The following PCDHGB4 variants were observed in gnomAD, a reference collection of about 807,000 sequenced individuals.
The protein encoded by PCDHGB4 is protocadherin gamma subfamily B, 4.
Under a neutral mutation model 60.5 loss-of-function variants are expected in PCDHGB4, and 38 were observed. The ratio of observed to expected loss-of-function variants is 0.63; its 90% CI spans 0.48 to 0.82. The LOEUF (loss-of-function observed/expected upper bound fraction) is 0.82, where lower values mean the gene tolerates loss of function less well. Ranked by LOEUF, PCDHGB4 falls within the 40% of genes least tolerant of loss-of-function variation. PCDHGB4 has a pLI of 0.00. For missense variants in PCDHGB4, 1,109 were observed against 1,209.6 expected (o/e 0.92, Z 1.23); for synonymous variants, 456 against 509.7 (o/e 0.89, Z 1.42).
At position 141,431,808 on chromosome 5, in the gene PCDHGB4, C is replaced by A. The variant is rs2097419249; in HGVS notation, c.2397+41527C>A. Reference sequence around the variant, plus strand: ...GACAATGCCCCAGAAGTGGTCCTCACCTCTCTCGCCAGCTCGGTTCCCGAA... The same window carrying A: ...GACAATGCCCCAGAAGTGGTCCTCAACTCTCTCGCCAGCTCGGTTCCCGAA... On this transcript the variant is annotated intron_variant, in intron 1 of 3. Transcript: ENST00000519479. The surrounding 1 kb of genome is among the most constrained non-coding windows in gnomAD (Gnocchi z 4.8). The A allele has an allele frequency of 6.2e-7, 1 of 1,614,236 alleles. No individual in the cohort carries two copies. Among genetic ancestry groups the A allele is most frequent in the Non-Finnish European group, 8.5e-7 (1 of 1,180,040 alleles).
At position 141,400,283 on chromosome 5, in the gene PCDHGB4, C is replaced by T. The variant is rs566639489; in HGVS notation, c.2397+10002C>T. 2.5e-6 allele frequency: 4 copies of T among 1,614,084 alleles called. No individual in the cohort carries two copies. In the African/African-American group the frequency reaches 5.3e-5, roughly 22 times the overall value. On this transcript the variant is annotated intron_variant, in intron 1 of 3. Coordinates refer to ENST00000519479, the MANE Select transcript of PCDHGB4 (RefSeq NM_003736.4). The stretch of plus-strand genomic sequence containing the variant: ...CTGCGACGCTCCTCCAGCCCTGCCG[C>T]CTGGAGCTGCTTCCAACCTGGTCTC...
chr5:141,410,598 C>T, intron 1 of PCDHGB4: 2 of 1,608,528 alleles, frequency 1.2e-6, no homozygotes, highest in Non-Finnish European at 1.7e-6. Context: ...GATTTGACTT[C>T]ACATCCTGAG....
In PCDHGB4 at chr5:141,388,600, C is replaced by G. The variant is rs1561620181; in HGVS notation, c.716C>G (p.Ala239Gly). The change falls in exon 1 of 4, where the codon GCT (alanine) becomes GGT (glycine). Residue 239 changes from alanine to glycine, a missense_variant. Physicochemically the swap from Ala to Gly is moderately conservative, Grantham distance 60. This residue lies in a region of PCDHGB4 where 1,068 missense variants were observed against 1,089.9 expected (regional missense o/e 0.98). Coordinates refer to ENST00000519479, the MANE Select transcript of PCDHGB4 (RefSeq NM_003736.4). The stretch of plus-strand genomic sequence containing the variant: ...CTAGTGACTGATGCCAATGATAATG[C>G]TCCAGTGTTCAGTCAAGACGTATAC... ...HVLVTDANDN[A>G]PVFSQDVYRV... The G allele has an allele frequency of 6.2e-7, 1 of 1,613,856 alleles. No individual in the cohort carries two copies. Among genetic ancestry groups the G allele is most frequent in the Non-Finnish European group, 8.5e-7 (1 of 1,179,886 alleles).
At position 141,489,180 on chromosome 5, in the gene PCDHGB4, C is replaced by G. The variant is rs942218118; in HGVS notation, c.2398-5627C>G. On this transcript the variant is annotated intron_variant, in intron 1 of 3. Transcript: ENST00000519479. This position sits in a 1 kb window ranked among gnomAD's most constrained non-coding sequence, Gnocchi z 4.5. ...GACTTCAGCTGCTGCATTCCAAGCC[C>G]TGGGTCTACCTTGGAGACAGGACAG... The G allele has an allele frequency of 1.8e-5, 23 of 1,259,630 alleles. No homozygotes were observed. In the South Asian group the frequency reaches 3.0e-4, roughly 17 times the overall value. The allele number at this position is 1,259,630 out of a possible 1,614,324, so 78.0% of individuals were successfully genotyped here.
chr5:141,501,789 C>T (rs367954511), intron 2 of PCDHGB4, among the ~76,000 whole-genome samples: 1 of 152,262 alleles, frequency 6.6e-6, no homozygotes, highest in South Asian at 2.1e-4. Context: ...TCTCCCTCTG[C>T]TCATCTCTTA....
chr5:141,389,449 A>T lies in PCDHGB4; in HGVS notation c.1565A>T (p.Gln522Leu), dbSNP rs771507101. Reference protein sequence around the residue: ...VFAQRAFDHEQLRAFELTLQA... With the variant: ...VFAQRAFDHELLRAFELTLQA... The stretch of plus-strand genomic sequence containing the variant: ...GCGCAGCGCGCCTTCGACCACGAGC[A>T]GCTGCGCGCCTTCGAACTCACACTG... Residue 522 changes from glutamine to leucine, a missense_variant, in exon 1 of 4, where the codon CAG (glutamine) becomes CTG (leucine). Gln to Leu is a moderately radical substitution (Grantham distance 113, BLOSUM62 -2). Coordinates refer to ENST00000519479, the MANE Select transcript of PCDHGB4 (RefSeq NM_003736.4). 17 of 1,610,420 alleles carry T rather than the reference A, an allele frequency of 1.1e-5. No individual in the cohort carries two copies. In the African/African-American group the frequency reaches 2.3e-4, roughly 22 times the overall value.
At chr5:141,455,537 A>G (rs1158681837) in intron 1 of PCDHGB4, among the ~76,000 whole-genome samples, 2 of 152,162 alleles carry the variant, frequency 1.3e-5, no homozygotes, top group Non-Finnish European at 2.9e-5. Flanking sequence ...CAGGCATATC[A>G]TTCACGTAGC....
In PCDHGB4 at chr5:141,487,472, G is replaced by A. The variant is rs2099645737; in HGVS notation, c.2398-7335G>A. The A allele has an allele frequency of 2.5e-6, 4 of 1,614,178 alleles. No individual in the cohort carries two copies. Among genetic ancestry groups the A allele is most frequent in the Non-Finnish European group, 3.4e-6 (4 of 1,180,036 alleles). Reference sequence around the variant, plus strand: ...CCCTATCAAGTTTGTTGATGTGGGAGGCCACTCTCATGGCTGTACACCCTT... The same window carrying A: ...CCCTATCAAGTTTGTTGATGTGGGAAGCCACTCTCATGGCTGTACACCCTT... On this transcript the variant is annotated intron_variant, in intron 1 of 3. Coordinates refer to ENST00000519479, the MANE Select transcript of PCDHGB4 (RefSeq NM_003736.4). This position sits in a 1 kb window ranked among gnomAD's most constrained non-coding sequence, Gnocchi z 5.0.
intron 1 of PCDHGB4, chr5:141,393,894 C>T (rs201697840): frequency 6.2e-7 from 1 of 1,614,000 alleles, no homozygotes. Flanking sequence ...AGAAAATTCT[C>T]TTCCCGGGAC....
At chr5:141,474,062 C>A (rs745636246) in intron 1 of PCDHGB4, among the ~76,000 whole-genome samples, 2 of 152,104 alleles carry the variant, frequency 1.3e-5, no homozygotes, top group Non-Finnish European at 2.9e-5. Context: ...AGAGCGAGAT[C>A]CTGCCTCAGA....
At chr5:141,409,464 C>T in intron 1 of PCDHGB4, 1 of 1,613,940 alleles carries the variant, frequency 6.2e-7, no homozygotes, top group East Asian at 2.2e-5. Context: ...TACAATGTCA[C>T]CATCGTAGCC....
chr5:141,407,659 T>C (rs1443799600), intron 1 of PCDHGB4, among the ~76,000 whole-genome samples: 1 of 152,136 alleles, frequency 6.6e-6, no homozygotes, highest in East Asian at 1.9e-4. Flanking sequence ...GGGAGCGCAG[T>C]ATATATTAAA....
At chr5:141,438,583 CATACATACATATATATATATATATATAT>C (rs1227221577) in intron 1 of PCDHGB4, among the ~76,000 whole-genome samples, 1 of 57,610 alleles carries the variant, frequency 1.7e-5, no homozygotes, top group African/African-American at 9.0e-5. Flanking sequence ...TACATACATA[CATACATACATATATATATATATATATAT>C]ATATATATAT....
intron 1 of PCDHGB4, among the ~76,000 whole-genome samples, chr5:141,464,417 A>C (rs2099083685): frequency 6.6e-6 from 1 of 151,564 alleles, no homozygotes; most frequent in African/African-American, 2.4e-5. Flanking sequence ...ATATATATCT[A>C]TATATATAGA....
At chr5:141,400,776 G>GT (rs1167512157) in intron 1 of PCDHGB4, 4 of 557,602 alleles carry the variant, frequency 7.2e-6, no homozygotes, top group Non-Finnish European at 1.3e-5. Flanking sequence ...CATTTGGTGC[G>GT]TTTTTTTGTC....
At chr5:141,409,576 G>C (rs1238671221) in intron 1 of PCDHGB4, 52 of 1,613,806 alleles carry the variant, frequency 3.2e-5, no homozygotes, top group Non-Finnish European at 4.2e-5. Flanking sequence ...CGTCCTACGT[G>C]GTCCACGTGG....
At chr5:141,436,691 A>G (rs2097840863) in intron 1 of PCDHGB4, among the ~76,000 whole-genome samples, 1 of 152,226 alleles carries the variant, frequency 6.6e-6, no homozygotes, top group Admixed American at 6.5e-5. Context: ...TATATTTTCA[A>G]TGCCAGCACA....
rs749221752 is a variant in PCDHGB4 at position 141,432,670 on chromosome 5, G to T, written c.2397+42389G>T. ...CGCGAGCCCTGCTGGACAGAGACGCGCTCAAGCAGAGCCTCGTAGTGGCCG... is the reference window on the plus strand; with the variant it reads ...CGCGAGCCCTGCTGGACAGAGACGCTCTCAAGCAGAGCCTCGTAGTGGCCG... On this transcript the variant is annotated intron_variant, in intron 1 of 3. Coordinates refer to ENST00000519479, the MANE Select transcript of PCDHGB4 (RefSeq NM_003736.4). This position sits in a 1 kb window ranked among gnomAD's most constrained non-coding sequence, Gnocchi z 6.0. 7 of 1,613,750 alleles carry T rather than the reference G, an allele frequency of 4.3e-6. No homozygotes were observed. The African/African-American group carries it at 5.3e-5, about 12-fold the overall frequency.
chr5:141,459,757 G>A (rs1360124889), intron 1 of PCDHGB4, among the ~76,000 whole-genome samples: 3 of 152,162 alleles, frequency 2.0e-5, no homozygotes, highest in Admixed American at 2.0e-4. Context: ...ATTCTAGTGG[G>A]TGTGTGATAC....
Sources: allele counts gnomAD v4.1 joint callset (sites outside exome capture counted in the v4.1 genomes callset), GRCh38; gene constraint gnomAD v4.1.1; regional missense constraint gnomAD v4.1.1; non-coding constraint Gnocchi (gnomAD v3.1); transcripts MANE v1.5; gene names NCBI Gene and HGNC (gene_info 2026-07-23, HGNC 2026-07-21).